The following ARFGEF2 variants were observed in gnomAD, a reference collection of about 807,000 sequenced individuals.
The protein encoded by ARFGEF2 is ARF guanine nucleotide exchange factor 2.
ARFGEF2 carries 74 observed loss-of-function variants against 219.9 expected under a neutral mutation model. The observed-to-expected ratio is 0.34, with a 90% CI of 0.28 to 0.41. The LOEUF (loss-of-function observed/expected upper bound fraction) is 0.41. Ranked by LOEUF, ARFGEF2 falls within the 10% of genes least tolerant of loss-of-function variation. The pLI, the probability that ARFGEF2 is intolerant of heterozygous loss-of-function variation, is 1.00. For missense variants in ARFGEF2, 1,743 were observed against 2,218.3 expected (o/e 0.79, Z 4.30); for synonymous variants, 733 against 799.2 (o/e 0.92, Z 1.40).
rs2091656312 is a variant in ARFGEF2 at position 49,034,726 on chromosome 20, G to C, written c.*1527G>C. 6.6e-6 allele frequency: 1 copy of C among 152,186 alleles called. No homozygotes were observed. The highest frequency in any genetic ancestry group is 1.5e-5 in the Non-Finnish European group (1 of 68,038). 9.4% of individuals were successfully genotyped at this position (152,186 alleles called of 1,614,324 possible). On this transcript the variant is annotated 3_prime_UTR_variant, in exon 39 of 39. Transcript: ENST00000371917. ...TAAAATCAGATGTTTTTTCTTTGTA[G>C]AGAAGGATTTCTGGTGCTTTTGCTT...
At chr20:48,996,452 C>G (rs947849715) in intron 23 of ARFGEF2, among the ~76,000 whole-genome samples, 1 of 114,748 alleles carries the variant, frequency 8.7e-6, no homozygotes, top group African/African-American at 3.1e-5. Flanking sequence ...GAGACTCCAT[C>G]TGCAAAAAAA....
chr20:48,922,007 C>A lies in ARFGEF2; in HGVS notation c.118C>A (p.Leu40Ile). ...SQLRRACQVA[L>I]DEIKAEIEKQ... ...GCTGCGCAGGGCCTGCCAGGTGGCGCTCGGTGGGTGAGCCGCTCCCGCCCT... is the reference window on the plus strand; with the variant it reads ...GCTGCGCAGGGCCTGCCAGGTGGCGATCGGTGGGTGAGCCGCTCCCGCCCT... The change falls in exon 1 of 39, where the codon CTC (leucine) becomes ATC (isoleucine). Residue 40 changes from leucine to isoleucine, a missense_variant. By Grantham distance (5) the Leu-to-Ile change is conservative (BLOSUM62 2). Transcript: ENST00000371917. The A allele has an allele frequency of 6.3e-7, 1 of 1,577,978 alleles. No homozygotes were observed. The highest frequency in any genetic ancestry group is 8.6e-7 in the Non-Finnish European group (1 of 1,162,552).
chr20:48,926,675 T>TA (rs1264742132), intron 1 of ARFGEF2, among the ~76,000 whole-genome samples: 7 of 151,960 alleles, frequency 4.6e-5, no homozygotes, highest in African/African-American at 1.7e-4. Context: ...GGGCTGGAGT[T>TA]AATCAGTTTT....
rs1043077056 is a variant in ARFGEF2, at chr20:48,921,715, G to C, written c.-175G>C. Among the ~76,000 whole-genome samples the C allele has an allele frequency of 6.6e-6, 1 of 152,058 alleles. No homozygotes were observed. The highest frequency in any genetic ancestry group is 6.5e-5 in the Admixed American group (1 of 15,280). On this transcript the variant is annotated 5_prime_UTR_variant, in exon 1 of 39. Coordinates refer to ENST00000371917, the MANE Select transcript of ARFGEF2 (RefSeq NM_006420.3). ...GCCGTAGCGGCCTCGCCAGTCACGT[G>C]GTCACGTGACGCGCTCCAACATGGC...
intron 25 of ARFGEF2, 91 bp from the exon 26 acceptor site, chr20:49,004,979 G>GATT (rs2091448792): frequency 2.1e-6 from 3 of 1,402,646 alleles, no homozygotes; most frequent in African/African-American, 2.8e-5. Context: ...TGTTTGTTTT[G>GATT]AAGGTAGGCT....
In ARFGEF2 at chr20:49,018,818, G is replaced by A. The variant is rs567282350; in HGVS notation, c.4510-66G>A. On this transcript the variant is annotated intron_variant, in intron 33 of 38. Transcript: ENST00000371917. Reference sequence around the variant, plus strand: ...GGCTGGACCAGCCGTGTTAAAACAGGCACATCTCTGCCCAAATTATCATGA... The same window carrying A: ...GGCTGGACCAGCCGTGTTAAAACAGACACATCTCTGCCCAAATTATCATGA... 282 of 1,338,734 alleles carry A rather than the reference G, an allele frequency of 2.1e-4. 3 individuals are homozygous for A. In the South Asian group the frequency reaches 3.1e-3, roughly 14 times the overall value. The allele number at this position is 1,338,734 out of a possible 1,614,324, so 82.9% of individuals were successfully genotyped here. A position where few individuals can be genotyped will look rare whatever the true frequency, so the allele number is the denominator to read the frequency against.
intron 3 of ARFGEF2, among the ~76,000 whole-genome samples, chr20:48,950,811 A>AAAATATATATATATAT (rs1176537072): frequency 1.6e-5 from 1 of 64,512 alleles, no homozygotes; most frequent in African/African-American, 7.5e-5. Context: ...AAAAAAAAAA[A>AAAATATATATATATAT]ATATATATAT....
At chr20:48,938,980 G>GTTTTT (rs1381256978) in intron 1 of ARFGEF2, among the ~76,000 whole-genome samples, 1 of 133,550 alleles carries the variant, frequency 7.5e-6, no homozygotes, top group African/African-American at 2.8e-5. Context: ...TTTTTTGTTT[G>GTTTTT]TTTTTTTTTT....
intron 1 of ARFGEF2, among the ~76,000 whole-genome samples, chr20:48,939,034 G>C (rs1451268830): frequency 1.3e-5 from 2 of 150,420 alleles, no homozygotes; most frequent in African/African-American, 4.9e-5. Flanking sequence ...AAGTGCAGTG[G>C]CACCATCTCG....
intron 3 of ARFGEF2, among the ~76,000 whole-genome samples, chr20:48,942,741 C>G (rs1384128231): frequency 6.6e-6 from 1 of 151,964 alleles, no homozygotes; most frequent in East Asian, 1.9e-4. Context: ...AAATTCATAT[C>G]AAGTAGAGAA....
intron 8 of ARFGEF2, among the ~76,000 whole-genome samples, chr20:48,966,480 A>G (rs1363285138): frequency 6.6e-6 from 1 of 152,210 alleles, no homozygotes; most frequent in East Asian, 1.9e-4. Context: ...ATAATACAGT[A>G]TGTATCCTGT....
intron 26 of ARFGEF2, among the ~76,000 whole-genome samples, chr20:49,005,822 C>T (rs2091456022): frequency 6.6e-6 from 1 of 151,640 alleles, no homozygotes. Context: ...GGAAGAGCCA[C>T]TGCAGAAGCA....
rs1057523412 is a variant in ARFGEF2 at position 48,965,919 on chromosome 20, G to A, written c.955G>A (p.Glu319Lys). Residue 319 changes from glutamate (E) to lysine (K), a missense_variant, in exon 8 of 39, where the codon GAA becomes AAA. Transcript: ENST00000371917. ...GACAGAACCTGAGAGAGTTCTAGGT[G>A]AACTGGAGTGCCAGGAATGTGCTAT... ...GLTEPERVLGELECQECAIPP... is the reference protein window; with the variant it reads ...GLTEPERVLGKLECQECAIPP... 3.1e-6 allele frequency: 5 copies of A among 1,614,196 alleles called. No individual in the cohort carries two copies. The highest frequency in any genetic ancestry group is 4.2e-6 in the Non-Finnish European group (5 of 1,180,038).
chr20:48,949,370 G>T (rs1432337285), intron 3 of ARFGEF2, among the ~76,000 whole-genome samples: 1 of 152,168 alleles, frequency 6.6e-6, no homozygotes, highest in Non-Finnish European at 1.5e-5. Context: ...TCTGTTAGAT[G>T]TAAGAACAAG....
chr20:48,960,924 A>G (rs1467562506), intron 6 of ARFGEF2, among the ~76,000 whole-genome samples: 1 of 151,396 alleles, frequency 6.6e-6, no homozygotes, highest in Non-Finnish European at 1.5e-5. Flanking sequence ...TACTAAAAAT[A>G]CAAAAATTAG....
At chr20:48,950,104 G>A (rs1224247151) in intron 3 of ARFGEF2, among the ~76,000 whole-genome samples, 1 of 152,102 alleles carries the variant, frequency 6.6e-6, no homozygotes, top group East Asian at 1.9e-4. Context: ...GACCTTTGAG[G>A]TTCCTTCCAG....
chr20:48,959,862 A>G (rs2091134459), intron 6 of ARFGEF2, among the ~76,000 whole-genome samples: 1 of 151,914 alleles, frequency 6.6e-6, no homozygotes, highest in African/African-American at 2.4e-5. Context: ...CAACCTCCCA[A>G]AGTGCTGGGA....
At chr20:48,938,035 G>A (rs1200698370) in intron 1 of ARFGEF2, among the ~76,000 whole-genome samples, 1 of 152,200 alleles carries the variant, frequency 6.6e-6, no homozygotes, top group African/African-American at 2.4e-5. Flanking sequence ...CCATATGCTT[G>A]TTCGAGAGTC....
At position 49,035,776 on chromosome 20, in the gene ARFGEF2, T is replaced by G. The variant is rs1477220801; in HGVS notation, c.*2577T>G. 1 of 162,694 alleles carries G rather than the reference T, an allele frequency of 6.1e-6. No homozygotes were observed. Among genetic ancestry groups the G allele is most frequent in the Non-Finnish European group, 1.3e-5 (1 of 75,250 alleles). 10.1% of individuals were successfully genotyped at this position (162,694 alleles called of 1,614,324 possible). A position where few individuals can be genotyped will look rare whatever the true frequency, so the allele number is the denominator to read the frequency against. On this transcript the variant is annotated 3_prime_UTR_variant, in exon 39 of 39. Transcript: ENST00000371917. The stretch of plus-strand genomic sequence containing the variant: ...ACAATACTGCTGCTTTGAGCAATTT[T>G]GTTTCTCTTCATTGTCTGTTAGGGA...
Sources: allele counts gnomAD v4.1 joint callset (sites outside exome capture counted in the v4.1 genomes callset), GRCh38; gene constraint gnomAD v4.1.1; transcripts MANE v1.5; gene names NCBI Gene and HGNC (gene_info 2026-07-23, HGNC 2026-07-21).